DCC: variants seen among roughly 807,000 people sequenced by gnomAD.
DCC encodes the protein netrin receptor DCC.
A neutral mutation model predicts 172.5 loss-of-function variants in DCC; 58 were observed. The ratio of observed to expected loss-of-function variants is 0.34; its 90% confidence interval spans 0.27 to 0.42. DCC has a LOEUF of 0.42. Ranked by LOEUF, DCC falls within the 10% of genes least tolerant of loss-of-function variation. DCC has a pLI of 1.00. For synonymous variants in DCC, 709 were observed against 644.5 expected (o/e 1.10, Z -1.52); for missense variants, 1,740 against 1,791.0 (o/e 0.97, Z 0.51).
rs546608253 is a variant in DCC at position 53,147,142 on chromosome 18, C to T, written c.1262-10214C>T. ...TAAGGTGTAAGTACTAGGTTCAGGT[C>T]AATATGCCTCTTCTATGGTTGATAG... is the stretch of plus-strand genomic sequence containing the variant. On this transcript the variant is annotated intron_variant, in intron 7 of 28. Coordinates refer to ENST00000442544, the MANE Select transcript of DCC (RefSeq NM_005215.4). Among the ~76,000 whole-genome samples, 5 of 152,220 alleles carry T rather than the reference C, an allele frequency of 3.3e-5. No homozygotes were observed. The South Asian group carries it at 1.0e-3, about 32-fold the overall frequency.
At chr18:52,709,974 A>G in intron 1 of DCC, among the ~76,000 whole-genome samples, 1 of 152,228 alleles carries the variant, frequency 6.6e-6, no homozygotes. Flanking sequence ...ATGTGGAGGA[A>G]TAGGCATTCT....
intron 22 of DCC, among the ~76,000 whole-genome samples, chr18:53,443,160 T>C (rs1030008784): frequency 6.6e-6 from 1 of 152,146 alleles, no homozygotes; most frequent in Non-Finnish European, 1.5e-5. Context: ...GCAGATGCCA[T>C]TTAGGACTTT....
In DCC at chr18:52,795,647, C is replaced by G. The variant is rs2037860370; in HGVS notation, c.412+43273C>G. Reference sequence around the variant, plus strand: ...TTTCATTTCTTCTGCTAATTTTGTTCTGTTTTCTTATTTTTTCTAGTTCCT... The same window carrying G: ...TTTCATTTCTTCTGCTAATTTTGTTGTGTTTTCTTATTTTTTCTAGTTCCT... On this transcript the variant is annotated intron_variant, in intron 2 of 28. Transcript: ENST00000442544. Among the ~76,000 whole-genome samples, 13 of 151,642 alleles carry G rather than the reference C, an allele frequency of 8.6e-5. 1 individual carries two copies. The South Asian group carries it at 2.7e-3, about 31-fold the overall frequency.
intron 5 of DCC, among the ~76,000 whole-genome samples, chr18:53,019,637 T>C (rs2041852659): frequency 6.6e-6 from 1 of 152,182 alleles, no homozygotes; most frequent in African/African-American, 2.4e-5. Context: ...TATCACATTA[T>C]CTTTTGCTGT....
chr18:52,991,455 G>T (rs558436857), intron 5 of DCC, among the ~76,000 whole-genome samples: 1 of 152,248 alleles, frequency 6.6e-6, no homozygotes, highest in Admixed American at 6.5e-5. Flanking sequence ...AGCAGATTTG[G>T]TTGAATAAGG....
intron 12 of DCC, among the ~76,000 whole-genome samples, chr18:53,242,306 TAA>T (rs1321128138): frequency 6.6e-6 from 1 of 152,218 alleles, no homozygotes; most frequent in Non-Finnish European, 1.5e-5. Flanking sequence ...CTTAATGATA[TAA>T]GTTTCCAATG....
At chr18:52,885,061 A>G (rs1463795548) in intron 2 of DCC, among the ~76,000 whole-genome samples, 1 of 152,124 alleles carries the variant, frequency 6.6e-6, no homozygotes. Context: ...GGGGCACACA[A>G]GCACTCCTGT....
chr18:52,682,673 C>T (rs537202742), intron 1 of DCC, among the ~76,000 whole-genome samples: 22 of 152,156 alleles, frequency 1.4e-4, no homozygotes, highest in South Asian at 8.3e-4. Flanking sequence ...AGATAATTAA[C>T]ACGAAGCAGA....
chr18:52,583,466 TAA>T (rs1175883640), intron 1 of DCC, among the ~76,000 whole-genome samples: 3 of 152,230 alleles, frequency 2.0e-5, no homozygotes, highest in African/African-American at 2.4e-5. Context: ...TAGTAAAATG[TAA>T]AGAGTTATAC....
At position 52,503,839 on chromosome 18, in the gene DCC, G is replaced by T. The variant is rs191278392; in HGVS notation, c.91+162961G>T. ...TGGCTGCTTCCTGAGCCCTGATGGGGTATTCAGCCTACTCAGGGAAACAGT... is the reference window on the plus strand; with the variant it reads ...TGGCTGCTTCCTGAGCCCTGATGGGTTATTCAGCCTACTCAGGGAAACAGT... On this transcript the variant is annotated intron_variant, in intron 1 of 28. Transcript: ENST00000442544. Among the ~76,000 whole-genome samples, 6 of 152,184 alleles carry T rather than the reference G, an allele frequency of 3.9e-5. No homozygotes were observed. The East Asian group carries it at 9.7e-4, about 25-fold the overall frequency.
At chr18:53,267,459 T>C (rs1487449555) in intron 12 of DCC, among the ~76,000 whole-genome samples, 1 of 151,942 alleles carries the variant, frequency 6.6e-6, no homozygotes, top group Non-Finnish European at 1.5e-5. Flanking sequence ...AGTGCTGAGA[T>C]TACAGGCATG....
intron 7 of DCC, among the ~76,000 whole-genome samples, chr18:53,102,917 T>A (rs2043194087): frequency 6.6e-6 from 1 of 152,140 alleles, no homozygotes; most frequent in Non-Finnish European, 1.5e-5. Flanking sequence ...TTTCACCGAT[T>A]GCCTGGATTA....
chr18:53,324,329 A>T (rs2057443518), intron 14 of DCC, among the ~76,000 whole-genome samples: 2 of 152,212 alleles, frequency 1.3e-5, no homozygotes, highest in Admixed American at 1.3e-4. Flanking sequence ...TATTCAACTT[A>T]CATTTCTTAT....
intron 9 of DCC, among the ~76,000 whole-genome samples, chr18:53,184,634 T>C (rs1282916742): frequency 6.6e-6 from 1 of 152,098 alleles, no homozygotes; most frequent in African/African-American, 2.4e-5. Context: ...TGTCTAAACA[T>C]AGAAAAGGTA....
chr18:53,396,507 G>A (rs933948864), intron 17 of DCC, among the ~76,000 whole-genome samples: 1 of 152,258 alleles, frequency 6.6e-6, no homozygotes, highest in South Asian at 2.1e-4. Context: ...AAACACCAAT[G>A]TAATCCTTTA....
At chr18:53,112,765 C>A (rs989356729) in intron 7 of DCC, among the ~76,000 whole-genome samples, 2 of 151,448 alleles carry the variant, frequency 1.3e-5, no homozygotes, top group African/African-American at 4.8e-5. Flanking sequence ...ATTATTCACA[C>A]TCAAAAGATC....
chr18:52,362,959 C>T (rs1046009902), intron 1 of DCC, among the ~76,000 whole-genome samples: 8 of 152,050 alleles, frequency 5.3e-5, no homozygotes, highest in Non-Finnish European at 1.2e-4. Context: ...AGTGCAGTGG[C>T]GGGATCTCGG....
intron 8 of DCC, among the ~76,000 whole-genome samples, chr18:53,169,599 T>G (rs773257423): frequency 6.6e-6 from 1 of 152,166 alleles, no homozygotes; most frequent in Non-Finnish European, 1.5e-5. Context: ...TGACAATCCA[T>G]CTGGTGTTAC....
At chr18:53,184,619 G>A (rs2055250858) in intron 9 of DCC, among the ~76,000 whole-genome samples, 1 of 152,074 alleles carries the variant, frequency 6.6e-6, no homozygotes, top group Non-Finnish European at 1.5e-5. Flanking sequence ...TTGTACATCT[G>A]AGCATGTCTA....
Sources: gnomAD v4.1 joint callset for allele counts (sites outside exome capture counted in the v4.1 genomes callset) on GRCh38, gnomAD v4.1.1 for gene constraint, MANE v1.5 for transcripts, NCBI Gene and HGNC (gene_info 2026-07-23, HGNC 2026-07-21) for gene names.